The following AGBL4 variants were observed in gnomAD, a reference collection of about 807,000 sequenced individuals.
AGBL4 encodes AGBL carboxypeptidase 4.
In AGBL4, 58 loss-of-function variants were observed where a neutral mutation model predicts 66.4. That is an observed-to-expected ratio of 0.87 (90% confidence interval 0.71 to 1.09). The LOEUF is 1.09. Among genes scored for constraint, AGBL4 ranks in the 50% least tolerant of loss-of-function variants. The pLI is 0.00. For missense variants in AGBL4, 579 were observed against 631.0 expected (o/e 0.92, Z 0.88); for synonymous variants, 234 against 222.9 (o/e 1.05, Z -0.44).
At chr1:48,805,658 T>C (rs1378719503) in intron 6 of AGBL4, among the ~76,000 whole-genome samples, 1 of 152,174 alleles carries the variant, frequency 6.6e-6, no homozygotes, top group East Asian at 1.9e-4. Flanking sequence ...TCCAGCTATG[T>C]GACTCTGCAA....
At chr1:48,948,357 G>A (rs1402946861) in intron 5 of AGBL4, among the ~76,000 whole-genome samples, 1 of 152,150 alleles carries the variant, frequency 6.6e-6, no homozygotes, top group East Asian at 1.9e-4. Context: ...CTTTCCCTGA[G>A]TCCCAGCGAC....
intron 1 of AGBL4, among the ~76,000 whole-genome samples, chr1:49,944,653 T>A (rs1655053405): frequency 6.6e-6 from 1 of 151,858 alleles, no homozygotes; most frequent in Admixed American, 6.6e-5. Context: ...TAAGGTTCTT[T>A]AACACCCAAA....
chr1:49,741,607 T>A (rs981686894), intron 2 of AGBL4, among the ~76,000 whole-genome samples: 4 of 151,976 alleles, frequency 2.6e-5, no homozygotes, highest in African/African-American at 9.7e-5. Context: ...AAAAAGAGAA[T>A]CATAGACCAA....
Position 48,539,660 on chromosome 1 carries a change from A to G in AGBL4, c.1346T>C (p.Ile449Thr), listed in dbSNP as rs2148260692. The change falls in exon 12 of 14, where the codon ATT (isoleucine) becomes ACT (threonine). Residue 449 changes from isoleucine to threonine, a missense_variant. By Grantham distance (89) the Ile-to-Thr change is moderately conservative (BLOSUM62 -1). Transcript: ENST00000371839. ...RLNPVVEKVAIPMPRLRNKEI... is the reference protein window; with the variant it reads ...RLNPVVEKVATPMPRLRNKEI... The stretch of plus-strand genomic sequence containing the variant: ...CACTTACCGCAGTCTCGGCATGGGA[A>G]TTGCCACCTTTTCAACCACGGGGTT... The G allele has an allele frequency of 6.5e-7, 1 of 1,543,868 alleles. No individual in the cohort carries two copies.
intron 6 of AGBL4, among the ~76,000 whole-genome samples, chr1:48,804,043 C>T (rs569119676): frequency 6.6e-6 from 1 of 152,232 alleles, no homozygotes; most frequent in East Asian, 1.9e-4. Context: ...TTTAAAAAAT[C>T]CCAAAAAGTG....
intron 4 of AGBL4, among the ~76,000 whole-genome samples, chr1:49,230,110 T>G (rs952309944): frequency 6.6e-6 from 1 of 152,180 alleles, no homozygotes; most frequent in Admixed American, 6.5e-5. Context: ...AAGCTACCCA[T>G]GTAGCTGCTC....
At chr1:49,938,177 C>G (rs1654313838) in intron 1 of AGBL4, among the ~76,000 whole-genome samples, 1 of 151,850 alleles carries the variant, frequency 6.6e-6, no homozygotes, top group African/African-American at 2.4e-5. Flanking sequence ...ACCACCAATC[C>G]CACAGAAATA....
intron 4 of AGBL4, among the ~76,000 whole-genome samples, chr1:49,065,521 T>C (rs1208552627): frequency 6.6e-6 from 1 of 152,148 alleles, no homozygotes; most frequent in Non-Finnish European, 1.5e-5. Context: ...TGGTGAGAAG[T>C]CTAAAGAGGA....
At chr1:48,532,003 C>T (rs375093431), downstream of AGBL4, among the ~76,000 whole-genome samples, 85 of 152,200 alleles carry the variant, frequency 5.6e-4, no homozygotes, top group African/African-American at 1.9e-3. Flanking sequence ...AGGCTGGTCT[C>T]GAACTCCTGA....
chr1:49,545,936 T>A (rs1331822498), intron 3 of AGBL4, among the ~76,000 whole-genome samples: 1 of 152,114 alleles, frequency 6.6e-6, no homozygotes, highest in African/African-American at 2.4e-5. Flanking sequence ...GTTACATGAG[T>A]AAGTTCTTTA....
At chr1:48,930,256 G>T (rs1654928621) in intron 5 of AGBL4, among the ~76,000 whole-genome samples, 1 of 151,942 alleles carries the variant, frequency 6.6e-6, no homozygotes, top group African/African-American at 2.4e-5. Context: ...CTTCTGCTTG[G>T]CACGCTCTGC....
chr1:48,980,092 C>G (rs1659624403), intron 5 of AGBL4, among the ~76,000 whole-genome samples: 1 of 152,126 alleles, frequency 6.6e-6, no homozygotes, highest in Non-Finnish European at 1.5e-5. Context: ...CCTGACTTAG[C>G]TCTGTCAGAC....
chr1:49,424,298 A>G (rs1645611204), intron 3 of AGBL4, among the ~76,000 whole-genome samples: 1 of 152,232 alleles, frequency 6.6e-6, no homozygotes, highest in South Asian at 2.1e-4. Flanking sequence ...ATAAAGAATG[A>G]AAAATCCTGG....
At chr1:49,427,902 A>T (rs1298764153) in intron 3 of AGBL4, among the ~76,000 whole-genome samples, 1 of 151,916 alleles carries the variant, frequency 6.6e-6, no homozygotes, top group East Asian at 1.9e-4. Flanking sequence ...GCATTTACAA[A>T]CCTTTAGCTA....
intron 4 of AGBL4, among the ~76,000 whole-genome samples, chr1:49,052,623 G>A (rs1644240395): frequency 6.6e-6 from 1 of 152,136 alleles, no homozygotes; most frequent in South Asian, 2.1e-4. Context: ...GGGATTATTA[G>A]GTGGTAGACC....
At chr1:49,088,742 C>CTAAA (rs1259853166) in intron 4 of AGBL4, among the ~76,000 whole-genome samples, 1 of 152,058 alleles carries the variant, frequency 6.6e-6, no homozygotes, top group Non-Finnish European at 1.5e-5. Flanking sequence ...GAACATTTGA[C>CTAAA]TAAATGGGCC....
At chr1:49,615,154 A>G (rs1645227157) in intron 3 of AGBL4, among the ~76,000 whole-genome samples, 1 of 152,118 alleles carries the variant, frequency 6.6e-6, no homozygotes, top group African/African-American at 2.4e-5. Flanking sequence ...TGCTTCCCAT[A>G]AAAATCTTAC....
intron 5 of AGBL4, among the ~76,000 whole-genome samples, chr1:48,955,381 T>C (rs1166840198): frequency 1.3e-5 from 2 of 152,224 alleles, no homozygotes; most frequent in African/African-American, 2.4e-5. Context: ...GTAAGACAGA[T>C]GGGCTGATGA....
intron 1 of AGBL4, among the ~76,000 whole-genome samples, chr1:49,949,591 A>T (rs955455420): frequency 2.6e-5 from 4 of 152,000 alleles, no homozygotes; most frequent in African/African-American, 9.7e-5. Flanking sequence ...ACTGGCCAAC[A>T]AACATATGGA....
Sources: allele counts gnomAD v4.1 joint callset (sites outside exome capture counted in the v4.1 genomes callset), GRCh38; gene constraint gnomAD v4.1.1; transcripts MANE v1.5; gene names NCBI Gene and HGNC (gene_info 2026-07-23, HGNC 2026-07-21).